Variants in CRPPA observed in about 807,000 individuals in gnomAD.
The protein encoded by CRPPA is D-ribitol-5-phosphate cytidylyltransferase.
A neutral mutation model predicts 52.0 loss-of-function variants in CRPPA; 43 were observed. The observed-to-expected ratio is 0.83, with a 90% CI of 0.65 to 1.07. The LOEUF is 1.07. CRPPA is among the 50% of genes least tolerant of loss of function. The probability of loss-of-function intolerance (pLI) is 0.00; values close to 1 mark genes in which losing one functional copy is unlikely to be tolerated. For synonymous variants in CRPPA, 250 were observed against 203.5 expected (o/e 1.23, Z -1.94); for missense variants, 629 against 551.7 (o/e 1.14, Z -1.40).
chr7:16,164,659 T>C (rs1781009617), intron 9 of CRPPA, among the ~76,000 whole-genome samples: 1 of 152,140 alleles, frequency 6.6e-6, no homozygotes. Context: ...CTACCTTTGG[T>C]TTTTGATGTT....
chr7:16,243,030 C>T (rs566639457), intron 8 of CRPPA, among the ~76,000 whole-genome samples: 5 of 152,270 alleles, frequency 3.3e-5, no homozygotes, highest in Middle Eastern at 3.4e-3. Context: ...TGTTCCCACC[C>T]AAATCTCATT....
chr7:16,109,819 C>A, intron 9 of CRPPA, among the ~76,000 whole-genome samples: 3 of 151,982 alleles, frequency 2.0e-5, no homozygotes, highest in Middle Eastern at 6.8e-3. Context: ...CAATAAAGGC[C>A]ATATATGGGA....
chr7:16,271,772 A>G (rs1784094778), intron 6 of CRPPA, among the ~76,000 whole-genome samples: 1 of 152,184 alleles, frequency 6.6e-6, no homozygotes, highest in East Asian at 1.9e-4. Flanking sequence ...TTTCCTTAGA[A>G]TATTCATCAC....
At chr7:16,376,311 A>G in intron 2 of CRPPA, 70 bp from the exon 3 acceptor site, 8 of 1,470,708 alleles carry the variant, frequency 5.4e-6, no homozygotes, top group Non-Finnish European at 7.3e-6. Context: ...TGAATTCAGT[A>G]TCTCACTTTT....
chr7:16,254,805 G>A (rs1562588644), intron 8 of CRPPA, among the ~76,000 whole-genome samples: 3 of 133,866 alleles, frequency 2.2e-5, no homozygotes, highest in African/African-American at 8.1e-5. Flanking sequence ...AAGAAAGAAA[G>A]AAAGAAAGAA....
chr7:16,123,028 CTT>C (rs2128370360), intron 9 of CRPPA, among the ~76,000 whole-genome samples: 1 of 152,026 alleles, frequency 6.6e-6, no homozygotes, highest in Admixed American at 6.6e-5. Context: ...TAAAAAGTGT[CTT>C]AGTTTTACCT....
chr7:16,395,732 C>A (rs1787552866), intron 2 of CRPPA, among the ~76,000 whole-genome samples: 1 of 152,140 alleles, frequency 6.6e-6, no homozygotes, highest in Non-Finnish European at 1.5e-5. Flanking sequence ...TCAATAGTAC[C>A]ATTTACCCTC....
Position 16,135,353 on chromosome 7 carries a change from A to G in CRPPA, c.1252-43554T>C, listed in dbSNP as rs140228146. 4.0e-3 allele frequency among the ~76,000 whole-genome samples: 606 copies of G among 152,288 alleles called. 8 individuals carry two copies. The highest frequency in any genetic ancestry group is 0.014 in the African/African-American group (577 of 41,566). On this transcript the variant is annotated intron_variant, in intron 9 of 9. Transcript: ENST00000407010. ...TTTTGTGGTTAGGTAAGATTTTATT[A>G]CATAAACTGTATATTGAGCCTTTAT...
At chr7:16,269,563 G>A (rs551995021) in intron 6 of CRPPA, 13 of 152,212 alleles carry the variant, frequency 8.5e-5, no homozygotes, top group African/African-American at 3.1e-4. Context: ...GTCATTTAAG[G>A]TATACAGTGC....
chr7:16,399,647 T>C (rs1260937440), intron 2 of CRPPA, among the ~76,000 whole-genome samples: 1 of 151,544 alleles, frequency 6.6e-6, no homozygotes, highest in Admixed American at 6.6e-5. Context: ...GATCGACATG[T>C]AATCAACGTG....
intron 9 of CRPPA, among the ~76,000 whole-genome samples, chr7:16,197,541 G>A (rs1027905732): frequency 5.9e-5 from 9 of 151,402 alleles, no homozygotes; most frequent in African/African-American, 2.2e-4. Context: ...TCATCATGTT[G>A]CCCTAGCTAA....
In CRPPA at chr7:16,357,833, C is replaced by A. The variant is rs566359413; in HGVS notation, c.684+18259G>T. Among the ~76,000 whole-genome samples, 10 of 152,292 alleles carry A rather than the reference C, an allele frequency of 6.6e-5. 1 individual carries two copies. Among genetic ancestry groups the A allele is most frequent in the African/African-American group, 2.2e-4 (9 of 41,552 alleles). On this transcript the variant is annotated intron_variant, in intron 3 of 9. Transcript: ENST00000407010. ...ATGAAGGAACATACCCTCTCCATAT[C>A]TGAGCTGCAGCCCACCGGATGGCAG...
At chr7:16,382,852 T>C (rs1787147476) in intron 2 of CRPPA, among the ~76,000 whole-genome samples, 1 of 152,182 alleles carries the variant, frequency 6.6e-6, no homozygotes, top group Non-Finnish European at 1.5e-5. Flanking sequence ...TCAGCTCCTT[T>C]AAGCACTTCT....
chr7:16,274,509 G>A (rs1784162570), intron 6 of CRPPA, among the ~76,000 whole-genome samples: 1 of 151,856 alleles, frequency 6.6e-6, no homozygotes, highest in South Asian at 2.1e-4. Flanking sequence ...AAAATAACAG[G>A]ACACCCAAAG....
intron 8 of CRPPA, among the ~76,000 whole-genome samples, chr7:16,255,622 C>G (rs569970842): frequency 6.6e-6 from 1 of 151,990 alleles, no homozygotes. Context: ...AGAACAGAGA[C>G]CTCAGAAATA....
chr7:16,262,020 G>A (rs930949759), intron 6 of CRPPA: 1 of 151,974 alleles, frequency 6.6e-6, no homozygotes, highest in Non-Finnish European at 1.5e-5. Context: ...ACTATCCTAC[G>A]TTTTGCTTGT....
intron 8 of CRPPA, among the ~76,000 whole-genome samples, chr7:16,226,793 C>T (rs529879981): frequency 8.6e-5 from 13 of 151,834 alleles, no homozygotes; most frequent in Non-Finnish European, 1.0e-4. Flanking sequence ...TGTATGGCCT[C>T]ATAGTTATCA....
At chr7:16,358,568 G>T (rs1178609460) in intron 3 of CRPPA, among the ~76,000 whole-genome samples, 1 of 152,100 alleles carries the variant, frequency 6.6e-6, no homozygotes, top group Non-Finnish European at 1.5e-5. Context: ...TATCCAGAGG[G>T]TTGGGCATGC....
intron 7 of CRPPA, 37 bp from the exon 8 acceptor site, chr7:16,258,519 G>A (rs758542549): frequency 1.1e-5 from 14 of 1,217,962 alleles, no homozygotes; most frequent in South Asian, 2.8e-5. Context: ...ATGAGAAGAC[G>A]TTTTTAAATG....
Sources: gnomAD v4.1 joint callset for allele counts (sites outside exome capture counted in the v4.1 genomes callset) on GRCh38, gnomAD v4.1.1 for gene constraint, MANE v1.5 for transcripts, NCBI Gene and HGNC (gene_info 2026-07-23, HGNC 2026-07-21) for gene names.